CFAP74: variants seen among roughly 807,000 people sequenced by gnomAD.
CFAP74 encodes cilia and flagella associated protein 74.
CFAP74 carries 124 observed loss-of-function variants against 188.9 expected under a neutral mutation model. The observed-to-expected ratio is 0.66, with a 90% CI of 0.57 to 0.76. CFAP74 has a LOEUF of 0.76. CFAP74 is among the 30% of genes least tolerant of loss of function. CFAP74 has a pLI of 0.00. For synonymous variants in CFAP74, 956 were observed against 916.7 expected, an observed-to-expected ratio of 1.04 and a Z score of -0.77; for missense variants, 2,198 against 2,165.2, an observed-to-expected ratio of 1.02 and a Z score of -0.30.
chr1:1,966,452 GT>G lies in CFAP74; in HGVS notation c.1319del (p.Asp440AlafsTer11), dbSNP rs1558035677. On this transcript the variant is annotated frameshift_variant, in exon 12 of 39. Coordinates refer to ENST00000682832, the MANE Select transcript of CFAP74 (RefSeq NM_001304360.2). LOFTEE classifies it high-confidence loss of function. ...EVVSSELIQG[D>X]PGASSEEETL... ...TTTCCTCCTCTGAGCTGGCCCCGGG[GT>G]CCCCCTGGATAAGCTCACTGGAAAC... The G allele has an allele frequency of 6.2e-7, 1 of 1,606,612 alleles. No homozygotes were observed. Among genetic ancestry groups the G allele is most frequent in the Admixed American group, 1.7e-5 (1 of 59,342 alleles).
chr1:1,969,227 C>T, intron 10 of CFAP74, among the ~76,000 whole-genome samples: 1 of 125,356 alleles, frequency 8.0e-6, no homozygotes, highest in Admixed American at 7.8e-5. Context: ...CCAGCCCTGC[C>T]CTGCCCAACC....
intron 22 of CFAP74, among the ~76,000 whole-genome samples, chr1:1,941,030 G>A (rs1475173097): frequency 1.3e-5 from 2 of 152,176 alleles, no homozygotes; most frequent in African/African-American, 4.8e-5. Flanking sequence ...GGAGAATGGC[G>A]TGAACCCGGG....
Position 1,973,105 on chromosome 1 carries a change from C to G in CFAP74, c.675-58G>C. On this transcript the variant is annotated intron_variant, in intron 7 of 38. Coordinates refer to ENST00000682832, the MANE Select transcript of CFAP74 (RefSeq NM_001304360.2). This position sits in a 1 kb window ranked among gnomAD's most constrained non-coding sequence, Gnocchi z 6.2. ...CGGCATCACACGTCCCATCTGCCCC[C>G]AAGCCCTGCACGGCTGGAGCTCGTG... The G allele has an allele frequency of 7.8e-7, 1 of 1,275,474 alleles. No homozygotes were observed. The highest frequency in any genetic ancestry group is 1.1e-6 in the Non-Finnish European group (1 of 891,410). 79.0% of individuals were successfully genotyped at this position (1,275,474 alleles called of 1,614,324 possible).
intron 8 of CFAP74, among the ~76,000 whole-genome samples, chr1:1,972,578 G>A (rs553154917): frequency 6.6e-6 from 1 of 152,388 alleles, no homozygotes; most frequent in African/African-American, 2.4e-5. Context: ...GGGTGCAGTG[G>A]CTCACGCCTG....
At chr1:1,985,359 G>A (rs1193036141) in intron 6 of CFAP74, 27 bp downstream of exon 6, 6 of 1,591,680 alleles carry the variant, frequency 3.8e-6, no homozygotes, top group African/African-American at 1.3e-5. Flanking sequence ...CCTGCCTGCT[G>A]CCAGTCCCGG....
chr1:1,978,846 C>T (rs1008912588), intron 6 of CFAP74, among the ~76,000 whole-genome samples: 4 of 152,252 alleles, frequency 2.6e-5, no homozygotes, highest in Non-Finnish European at 4.4e-5. Flanking sequence ...ACAGCACCAG[C>T]GCCCTGCCGT....
At chr1:1,939,563 C>T in intron 24 of CFAP74, 31 bp downstream of exon 24, 1 of 1,527,108 alleles carries the variant, frequency 6.5e-7, no homozygotes, top group South Asian at 1.2e-5. Flanking sequence ...AGCCTCACCC[C>T]TCTTACCCCA....
intron 14 of CFAP74, among the ~76,000 whole-genome samples, chr1:1,960,376 C>T (rs945102675): frequency 2.6e-5 from 4 of 152,210 alleles, no homozygotes; most frequent in African/African-American, 7.2e-5. Context: ...GGCCTGGGAC[C>T]GGGGCTCTAG....
chr1:1,982,908 C>T (rs1558057037), intron 6 of CFAP74, among the ~76,000 whole-genome samples: 2 of 152,234 alleles, frequency 1.3e-5, no homozygotes. Context: ...TTTCCCACCT[C>T]TGTCTACTGA....
chr1:1,976,855 CT>C (rs147484570), intron 6 of CFAP74, among the ~76,000 whole-genome samples: 6 of 146,986 alleles, frequency 4.1e-5, no homozygotes, highest in Admixed American at 1.4e-4. Context: ...AACCTCTTTT[CT>C]TTTTTTTTTG....
Position 1,959,929 on chromosome 1 carries a change from T to G in CFAP74, c.1761+35A>C, listed in dbSNP as rs751218059. ...ATCACAGGCTCCACCCACCACCACC[T>G]CCCCTTCGAGAGAGAACGGGCCCCT... is the stretch of plus-strand genomic sequence containing the variant. On this transcript the variant is annotated intron_variant, in intron 15 of 38. Coordinates refer to ENST00000682832, the MANE Select transcript of CFAP74 (RefSeq NM_001304360.2). 4 of 1,542,156 alleles carry G rather than the reference T, an allele frequency of 2.6e-6. No individual in the cohort carries two copies. The East Asian group carries it at 7.5e-5, about 29-fold the overall frequency.
At chr1:1,972,152 C>T in intron 8 of CFAP74, 70 bp from the exon 9 acceptor site, 12 of 1,187,892 alleles carry the variant, frequency 1.0e-5, no homozygotes, top group Non-Finnish European at 1.4e-5. Context: ...GCGATCACAG[C>T]TCTCTGCAGC....
rs747418756 is a variant in CFAP74, at chr1:1,968,882, C to T, written c.1047-49G>A. On this transcript the variant is annotated intron_variant, in intron 10 of 38. Coordinates refer to ENST00000682832, the MANE Select transcript of CFAP74 (RefSeq NM_001304360.2). This position sits in a 1 kb window ranked among gnomAD's most constrained non-coding sequence, Gnocchi z 4.3. ...GAGTGCAAGAGGTCCCCTGCCTCCA[C>T]CTTGCCCCAGATGAGACAGTGCCCG... 6.9e-6 allele frequency: 11 copies of T among 1,586,772 alleles called. No homozygotes were observed. Among genetic ancestry groups the T allele is most frequent in the Non-Finnish European group, 9.5e-6 (11 of 1,160,576 alleles).
rs557809290 is a variant in CFAP74, at chr1:1,943,451, C to T, written c.2486+880G>A. 1.5e-3 allele frequency among the ~76,000 whole-genome samples: 235 copies of T among 152,348 alleles called. 2 individuals carry two copies. Among genetic ancestry groups the T allele is most frequent in the Admixed American group, 2.8e-3 (43 of 15,306 alleles). On this transcript the variant is annotated intron_variant, in intron 21 of 38. Transcript: ENST00000682832. ...AGGTCACCGGGGAGAGGTGGCTGTG[C>T]CTGGGGCCGGTGCCCGGGGCCTCTG...
intron 18 of CFAP74, among the ~76,000 whole-genome samples, chr1:1,949,109 CCT>C (rs1654037952): frequency 4.8e-5 from 6 of 126,274 alleles, no homozygotes; most frequent in African/African-American, 6.2e-5. Flanking sequence ...TTCCTTCCTT[CCT>C]TTCCTTTCTT....
intron 1 of CFAP74, among the ~76,000 whole-genome samples, chr1:1,991,580 G>A (rs1558065729): frequency 1.3e-5 from 2 of 151,506 alleles, no homozygotes; most frequent in Non-Finnish European, 1.5e-5. Context: ...TCCAGCCTGG[G>A]GACAAGAGCG....
intron 1 of CFAP74, among the ~76,000 whole-genome samples, chr1:1,991,595 T>A (rs1479301546): frequency 6.6e-6 from 1 of 151,586 alleles, no homozygotes; most frequent in Admixed American, 6.6e-5. Context: ...AGAGCGAGAC[T>A]CCATCTCAAG....
At position 1,968,838 on chromosome 1, in the gene CFAP74, G is replaced by A. The variant is rs776926641; in HGVS notation, c.1047-5C>T. The A allele has an allele frequency of 2.1e-5, 34 of 1,613,448 alleles. No individual in the cohort carries two copies. Among genetic ancestry groups the A allele is most frequent in the African/African-American group, 4.0e-5 (3 of 74,890 alleles). ...TTCTGCTCCTCCTCAAAGGCCCTGC[G>A]TGGAGTCGCTTCTCAGATGAGTGCA... On this transcript the variant is annotated splice_polypyrimidine_tract_variant and splice_region_variant and intron_variant, in intron 10 of 38. Transcript: ENST00000682832. This position sits in a 1 kb window ranked among gnomAD's most constrained non-coding sequence, Gnocchi z 4.3.
intron 31 of CFAP74, 29 bp from the exon 32 acceptor site, chr1:1,926,376 A>T: frequency 6.5e-7 from 1 of 1,549,926 alleles, no homozygotes; most frequent in Non-Finnish European, 8.7e-7. Flanking sequence ...GAGGGGATAC[A>T]GGTGTCTGCA....
Sources: allele counts gnomAD v4.1 joint callset (sites outside exome capture counted in the v4.1 genomes callset), GRCh38; gene constraint gnomAD v4.1.1; non-coding constraint Gnocchi (gnomAD v3.1); transcripts MANE v1.5; gene names NCBI Gene and HGNC (gene_info 2026-07-23, HGNC 2026-07-21).